PLD4: variants seen among roughly 807,000 people sequenced by gnomAD.
The protein encoded by PLD4 is 5'-3' exonuclease PLD4.
A neutral mutation model predicts 52.3 loss-of-function variants in PLD4; 54 were observed. The observed-to-expected ratio is 1.03, with a 90% CI of 0.83 to 1.30. PLD4 has a LOEUF of 1.30. Among genes scored for constraint, PLD4 ranks in the 50% most tolerant of loss-of-function variants. PLD4 has a pLI of 0.00. For synonymous variants in PLD4, 264 were observed against 286.5 expected (o/e 0.92, Z 0.79); for missense variants, 731 against 671.1 (o/e 1.09, Z -0.99).
In PLD4 at chr14:104,931,819, C is replaced by T. The variant is rs747240100; in HGVS notation, c.990C>T (p.Ser330=). Residue 330 remains serine, a synonymous_variant, in exon 8 of 11, where the codon AGC becomes AGT. Coordinates refer to ENST00000392593, the MANE Select transcript of PLD4 (RefSeq NM_138790.5). ...DLEALLAVMG[S]AQEFIYASVM... The stretch of plus-strand genomic sequence containing the variant: ...AGGCGCTGCTGGCGGTGATGGGGAG[C>T]GCCCAGGAGTTCATCTATGCCTCCG... 2 of 1,573,952 alleles carry T rather than the reference C, an allele frequency of 1.3e-6. No homozygotes were observed. The highest frequency in any genetic ancestry group is 1.4e-5 in the African/African-American group (1 of 73,902).
rs1897714229 is a variant in PLD4, at chr14:104,933,057, C to T, written c.*93C>T. 13 of 1,391,382 alleles carry T rather than the reference C, an allele frequency of 9.3e-6. No individual in the cohort carries two copies. Among genetic ancestry groups the T allele is most frequent in the African/African-American group, 1.5e-5 (1 of 67,566 alleles). The allele number at this position is 1,391,382 out of a possible 1,614,324, so 86.2% of individuals were successfully genotyped here. On this transcript the variant is annotated 3_prime_UTR_variant, in exon 11 of 11. Coordinates refer to ENST00000392593, the MANE Select transcript of PLD4 (RefSeq NM_138790.5). ...TTCAGCCGCTTCCTCCCGCAAGCAG[C>T]CCGGGTCCGCACTGCGCCAGGAGCC...
chr14:104,927,891 G>A (rs765616637), intron 3 of PLD4, 25 bp downstream of exon 3: 40 of 1,528,756 alleles, frequency 2.6e-5, no homozygotes, highest in Admixed American at 1.2e-4. Context: ...GGAGGCCTGC[G>A]GGGGCAGGTC....
In PLD4 at chr14:104,927,159, A is replaced by G. The variant is rs183435731; in HGVS notation, c.19A>G (p.Lys7Glu). 8.3e-6 allele frequency: 13 copies of G among 1,559,586 alleles called. No homozygotes were observed. In the East Asian group the frequency reaches 3.1e-4, roughly 37 times the overall value. The change falls in exon 2 of 11, where the codon AAA becomes GAA. Residue 7 changes from lysine to glutamate, a missense_variant. Transcript: ENST00000392593. ...TGTGCAGATGCTGAAGCCTCTTTGG[A>G]AAGCAGCAGTGGCCCCCACATGGCC... is the stretch of plus-strand genomic sequence containing the variant. MLKPLWKAAVAPTWPCS... is the reference protein window; with the variant it reads MLKPLWEAAVAPTWPCS...
rs1234445505 is a variant in PLD4, at chr14:104,932,841, G to A, written c.1398G>A (p.Ala466=). The A allele has an allele frequency of 1.9e-6, 3 of 1,604,696 alleles. No individual in the cohort carries two copies. The highest frequency in any genetic ancestry group is 2.2e-5 in the East Asian group (1 of 44,510). Residue 466 remains alanine (A), a synonymous_variant, in exon 11 of 11, where the codon GCG becomes GCA. Transcript: ENST00000392593. The surrounding 1 kb of genome is among the most constrained non-coding windows in gnomAD (Gnocchi z 6.5). ...VGLVVTQSPG[A]QPAGATVQEQ... Reference sequence around the variant, plus strand: ...TGGTGGTCACCCAGAGCCCTGGCGCGCAGCCCGCGGGGGCCACGGTGCAGG... The same window carrying A: ...TGGTGGTCACCCAGAGCCCTGGCGCACAGCCCGCGGGGGCCACGGTGCAGG...
intron 3 of PLD4, 149 bp downstream of exon 3, chr14:104,928,015 A>G: frequency 1.1e-6 from 1 of 925,294 alleles, no homozygotes; most frequent in Non-Finnish European, 1.6e-6. Flanking sequence ...CCACGACCAT[A>G]TGAGCTGGAG....
downstream of PLD4, chr14:104,935,146 G>C (rs967557258): frequency 6.6e-6 from 1 of 152,286 alleles, no homozygotes; most frequent in African/African-American, 2.4e-5. Flanking sequence ...CTCAGAAGCC[G>C]ATATCATCCC....
chr14:104,927,381 T>C, intron 2 of PLD4, 151 bp downstream of exon 2: 1 of 751,848 alleles, frequency 1.3e-6, no homozygotes, highest in South Asian at 2.0e-5. Flanking sequence ...CCTGGGCTGC[T>C]CCAGACCTTC....
intron 7 of PLD4, 22 bp downstream of exon 7, chr14:104,930,964 C>A (rs771770037): frequency 1.2e-6 from 2 of 1,608,028 alleles, no homozygotes; most frequent in African/African-American, 2.7e-5. Flanking sequence ...TGAGAAGGAG[C>A]CCATCAGAGG....
chr14:104,932,756 TC>T lies in PLD4; in HGVS notation c.1322-5del, dbSNP rs1897698394. ...CGGCGCCCCAGTGTCTCCTCCATCC[TC>T]CCCGCAGGCACCTCCAACTGGTCGG... On this transcript the variant is annotated splice_polypyrimidine_tract_variant and splice_region_variant and intron_variant, in intron 10 of 10. Transcript: ENST00000392593. The surrounding 1 kb of genome is among the most constrained non-coding windows in gnomAD (Gnocchi z 6.5). 1.9e-6 allele frequency: 3 copies of T among 1,539,864 alleles called. No homozygotes were observed. In the African/African-American group the frequency reaches 4.1e-5, roughly 21 times the overall value.
Position 104,932,882 on chromosome 14 carries a change from T to TC in PLD4, c.1440dup (p.Phe481LeufsTer2). On this transcript the variant is annotated frameshift_variant, in exon 11 of 11. Transcript: ENST00000392593. LOFTEE classifies it low-confidence loss of function (END_TRUNC). The surrounding 1 kb of genome is among the most constrained non-coding windows in gnomAD (Gnocchi z 6.5). ...ACGGTGCAGGAGCAGCTGCGGCAGC[T>TC]CTTTGAGCGGGACTGGAGTTCGCGC... The TC allele has an allele frequency of 6.2e-7, 1 of 1,603,888 alleles. No individual in the cohort carries two copies. Among genetic ancestry groups the TC allele is most frequent in the South Asian group, 1.1e-5 (1 of 89,474 alleles).
At position 104,928,768 on chromosome 14, in the gene PLD4, A is replaced by G. The variant is rs1326546087; in HGVS notation, c.304A>G (p.Ile102Val). The G allele has an allele frequency of 3.1e-6, 5 of 1,592,632 alleles. No homozygotes were observed. The highest frequency in any genetic ancestry group is 1.7e-6 in the Non-Finnish European group (2 of 1,165,972). Residue 102 changes from isoleucine to valine, a missense_variant, in exon 4 of 11, where the codon ATC becomes GTC. Physicochemically the swap from Ile to Val is conservative, Grantham distance 29. Transcript: ENST00000392593. ...CCACAGGCTTGTCCTTGTGGAAAGC[A>G]TCCCCCAGGACCTGCCATCTGCAGC... ...DSCQLVLVES[I>V]PQDLPSAAGS... is the part of the protein sequence containing the mutation.
At chr14:104,926,424 C>T (rs1356176505) in intron 1 of PLD4, among the ~76,000 whole-genome samples, 1 of 152,174 alleles carries the variant, frequency 6.6e-6, no homozygotes, top group Admixed American at 6.5e-5. Flanking sequence ...GCCCAGATGG[C>T]CTGGCTCCCA....
At position 104,928,749 on chromosome 14, in the gene PLD4, G is replaced by T. The variant is rs1480131345; in HGVS notation, c.285G>T (p.Gln95His). ...GAGCCCAGTGTGGCTCTCCCCACAG[G>T]CTTGTCCTTGTGGAAAGCATCCCCC... The part of the protein sequence containing the change: ...AEARQQRDSC[Q>H]LVLVESIPQD... The change falls in exon 4 of 11, where the codon CAG (glutamine) becomes CAT (histidine). Residue 95 changes from glutamine (Q) to histidine (H), a missense_variant and splice_region_variant. Physicochemically the swap from Gln to His is conservative, Grantham distance 24. Coordinates refer to ENST00000392593, the MANE Select transcript of PLD4 (RefSeq NM_138790.5). 1 of 1,580,370 alleles carries T rather than the reference G, an allele frequency of 6.3e-7. No individual in the cohort carries two copies. The highest frequency in any genetic ancestry group is 2.3e-5 in the East Asian group (1 of 44,212).
In PLD4 at chr14:104,930,726, AC is replaced by A; in HGVS notation, c.718-15del. The stretch of plus-strand genomic sequence containing the variant: ...AGGGGTTTTTCTCCCACAGCGCCTG[AC>A]TTTGGTCCCTGCAGGTGAAGGAGCT... On this transcript the variant is annotated splice_polypyrimidine_tract_variant and intron_variant, in intron 6 of 10. Coordinates refer to ENST00000392593, the MANE Select transcript of PLD4 (RefSeq NM_138790.5). The A allele has an allele frequency of 6.2e-7, 1 of 1,612,992 alleles. No homozygotes were observed. The highest frequency in any genetic ancestry group is 8.5e-7 in the Non-Finnish European group (1 of 1,179,954).
chr14:104,934,471 C>G (rs1208995233), downstream of PLD4: 1 of 152,112 alleles, frequency 6.6e-6, no homozygotes, highest in Non-Finnish European at 1.5e-5. Context: ...TCAAAACACC[C>G]TGGCTTATCT....
rs1256711525 is a variant in PLD4, at chr14:104,932,781, G to A, written c.1338G>A (p.Ser446=). The change falls in exon 11 of 11, where the codon TCG becomes TCA. Residue 446 remains serine, a synonymous_variant. Coordinates refer to ENST00000392593, the MANE Select transcript of PLD4 (RefSeq NM_138790.5). The surrounding 1 kb of genome is among the most constrained non-coding windows in gnomAD (Gnocchi z 6.5). ...KAAYIGTSNW[S]EDYFSSTAGV... is the part of the protein sequence containing the mutation. Reference sequence around the variant, plus strand: ...TCCCCGCAGGCACCTCCAACTGGTCGGAGGATTACTTCAGCAGCACGGCGG... The same window carrying A: ...TCCCCGCAGGCACCTCCAACTGGTCAGAGGATTACTTCAGCAGCACGGCGG... 2.9e-5 allele frequency: 46 copies of A among 1,586,790 alleles called. No individual in the cohort carries two copies. The highest frequency in any genetic ancestry group is 4.0e-5 in the Non-Finnish European group (46 of 1,164,546).
chr14:104,927,702 G>A lies in PLD4; in HGVS notation c.120G>A (p.Leu40=). Residue 40 remains leucine, a synonymous_variant, in exon 3 of 11, where the codon CTG becomes CTA. Coordinates refer to ENST00000392593, the MANE Select transcript of PLD4 (RefSeq NM_138790.5). ...AGGTCCTGGGAGCGCTGGCTGTGCT[G>A]TGGCTGGGCTCCGTGGCTCTTATCT... The part of the protein sequence containing the change: ...TLQVLGALAV[L]WLGSVALICL... The A allele has an allele frequency of 6.9e-6, 11 of 1,598,790 alleles. No homozygotes were observed. The highest frequency in any genetic ancestry group is 9.4e-6 in the Non-Finnish European group (11 of 1,176,174).
chr14:104,929,175 T>C, intron 4 of PLD4, 132 bp from the exon 5 acceptor site: 1 of 1,413,466 alleles, frequency 7.1e-7, no homozygotes, highest in South Asian at 1.4e-5. Flanking sequence ...CCAAGGGTCA[T>C]CCAGATACTT....
rs755140665 is a variant in PLD4, at chr14:104,932,863, C to T, written c.1420C>T (p.Gln474Ter). The change falls in exon 11 of 11, where the codon CAG becomes TAG. Residue 474 changes from glutamine (Q) to a stop codon, truncating the protein, a stop_gained. Transcript: ENST00000392593. LOFTEE classifies it low-confidence loss of function (END_TRUNC). This position sits in a 1 kb window ranked among gnomAD's most constrained non-coding sequence, Gnocchi z 6.5. ...PGAQPAGATV[Q>*]EQLRQLFERD... ...CGCGCAGCCCGCGGGGGCCACGGTG[C>T]AGGAGCAGCTGCGGCAGCTCTTTGA... 5 of 1,604,982 alleles carry T rather than the reference C, an allele frequency of 3.1e-6. No individual in the cohort carries two copies. Among genetic ancestry groups the T allele is most frequent in the East Asian group, 4.5e-5 (2 of 44,574 alleles).
Sources: gnomAD v4.1 joint callset for allele counts (sites outside exome capture counted in the v4.1 genomes callset) on GRCh38, gnomAD v4.1.1 for gene constraint, Gnocchi (gnomAD v3.1) non-coding constraint, MANE v1.5 for transcripts, NCBI Gene and HGNC (gene_info 2026-07-23, HGNC 2026-07-21) for gene names.